VAV2: variants seen among roughly 807,000 people sequenced by gnomAD.
VAV2 encodes guanine nucleotide exchange factor VAV2.
VAV2 carries 67 observed loss-of-function variants against 132.5 expected under a neutral mutation model. That is an observed-to-expected ratio of 0.51 (90% CI 0.42 to 0.62). The LOEUF (loss-of-function observed/expected upper bound fraction) is 0.62, where lower values mean the gene tolerates loss of function less well. VAV2 is among the 20% of genes least tolerant of loss of function. VAV2 has a pLI of 0.00. For missense variants in VAV2, 938 were observed against 1,153.6 expected (o/e 0.81, Z 2.71); for synonymous variants, 492 against 443.5 (o/e 1.11, Z -1.37).
chr9:133,941,939 G>C (rs986549211), intron 1 of VAV2, among the ~76,000 whole-genome samples: 5 of 152,162 alleles, frequency 3.3e-5, no homozygotes, highest in African/African-American at 1.2e-4. Flanking sequence ...GGAGTCGTCA[G>C]ATCCACAGAG....
intron 2 of VAV2, among the ~76,000 whole-genome samples, chr9:133,896,923 T>C (rs1459471861): frequency 2.6e-5 from 4 of 151,616 alleles, no homozygotes; most frequent in African/African-American, 9.7e-5. Flanking sequence ...TGAAACCCCG[T>C]CTCTACTAAA....
Position 133,992,310 on chromosome 9 carries a change from T to C in VAV2, c.-32A>G, listed in dbSNP as rs1421050812. The C allele has an allele frequency of 2.3e-6, 3 of 1,329,564 alleles. No individual in the cohort carries two copies. Among genetic ancestry groups the C allele is most frequent in the African/African-American group, 1.5e-5 (1 of 65,674 alleles). The allele number at this position is 1,329,564 out of a possible 1,614,324, so 82.4% of individuals were successfully genotyped here. A position where few individuals can be genotyped will look rare whatever the true frequency, so the allele number is the denominator to read the frequency against. Reference sequence around the variant, plus strand: ...CGCGGGCCCGACCGGCTCAGGGCAGTGCTCGAGCCAAAGTGCAGCGGCCGC... The same window carrying C: ...CGCGGGCCCGACCGGCTCAGGGCAGCGCTCGAGCCAAAGTGCAGCGGCCGC... On this transcript the variant is annotated 5_prime_UTR_variant, in exon 1 of 30. Coordinates refer to ENST00000371850, the MANE Select transcript of VAV2 (RefSeq NM_001134398.2). The surrounding 1 kb of genome is among the most constrained non-coding windows in gnomAD (Gnocchi z 5.5).
At chr9:133,789,470 A>T in intron 13 of VAV2, 127 bp from the exon 14 acceptor site, 1 of 845,616 alleles carries the variant, frequency 1.2e-6, no homozygotes, top group East Asian at 2.5e-5. Context: ...GGACGAAGGG[A>T]AACAGCCCCT....
intron 2 of VAV2, among the ~76,000 whole-genome samples, chr9:133,937,615 T>G (rs1183551791): frequency 1.1e-4 from 17 of 152,168 alleles, no homozygotes; most frequent in Non-Finnish European, 2.2e-4. Flanking sequence ...CCCAGGGTGC[T>G]GCAGGCAAAT....
At chr9:133,868,653 C>A (rs577563118) in intron 2 of VAV2, among the ~76,000 whole-genome samples, 5 of 152,226 alleles carry the variant, frequency 3.3e-5, no homozygotes, top group Non-Finnish European at 7.3e-5. Flanking sequence ...GGGCCAGAAG[C>A]GTGCATGTTT....
chr9:133,849,489 G>A (rs1438190711), intron 3 of VAV2, among the ~76,000 whole-genome samples: 1 of 152,198 alleles, frequency 6.6e-6, no homozygotes, highest in Admixed American at 6.5e-5. Context: ...ACCCCCTCCT[G>A]GACCCTGCGT....
chr9:133,883,267 GACA>G lies in VAV2; in HGVS notation c.322-21838_322-21836del, dbSNP rs748425141. Among the ~76,000 whole-genome samples the G allele has an allele frequency of 1.3e-5, 2 of 152,184 alleles. No individual in the cohort carries two copies. The highest frequency in any genetic ancestry group is 2.9e-5 in the Non-Finnish European group (2 of 68,040). ...AATCATGCGAAGAGCCCTGGTAATT[GACA>G]ACGATTCTCTGCACAAATGGCGGAC... On this transcript the variant is annotated intron_variant, in intron 2 of 29. Coordinates refer to ENST00000371850, the MANE Select transcript of VAV2 (RefSeq NM_001134398.2). The surrounding 1 kb of genome is among the most constrained non-coding windows in gnomAD (Gnocchi z 4.2).
In VAV2 at chr9:133,932,577, G is replaced by A. The variant is rs1840724408; in HGVS notation, c.321+6526C>T. ...CTAATAAAAATGACTAGGACCTGCCGTTCATTTTTTCACCGAGTCCTTTAC... is the reference window on the plus strand; with the variant it reads ...CTAATAAAAATGACTAGGACCTGCCATTCATTTTTTCACCGAGTCCTTTAC... On this transcript the variant is annotated intron_variant, in intron 2 of 29. Transcript: ENST00000371850. Among the ~76,000 whole-genome samples the A allele has an allele frequency of 2.0e-5, 3 of 152,222 alleles. No homozygotes were observed. The South Asian group carries it at 6.2e-4, about 32-fold the overall frequency.
chr9:133,785,679 CT>C (rs1834188984), intron 17 of VAV2, 96 bp downstream of exon 17: 11 of 1,221,282 alleles, frequency 9.0e-6, no homozygotes, highest in South Asian at 2.8e-5. Flanking sequence ...CCCACCGCCC[CT>C]GGTCTGAGAG....
Position 133,768,639 on chromosome 9 carries a change from C to A in VAV2, c.2435-43G>T. Reference sequence around the variant, plus strand: ...CAGCATCACACAGCTGCAGGAGGAGCCCAACCAGTGATCCAGGAGGCCCTT... The same window carrying A: ...CAGCATCACACAGCTGCAGGAGGAGACCAACCAGTGATCCAGGAGGCCCTT... On this transcript the variant is annotated intron_variant, in intron 28 of 29. Coordinates refer to ENST00000371850, the MANE Select transcript of VAV2 (RefSeq NM_001134398.2). This position sits in a 1 kb window ranked among gnomAD's most constrained non-coding sequence, Gnocchi z 5.3. The A allele has an allele frequency of 6.3e-7, 1 of 1,593,700 alleles. No individual in the cohort carries two copies. Among genetic ancestry groups the A allele is most frequent in the Admixed American group, 1.7e-5 (1 of 58,454 alleles).
At chr9:133,939,403 G>T (rs887363302) in intron 1 of VAV2, 184 bp from the exon 2 acceptor site, 5 of 633,652 alleles carry the variant, frequency 7.9e-6, no homozygotes, top group Admixed American at 5.3e-5. Flanking sequence ...CCAAGGCTGG[G>T]GGGTGAGAAG....
intron 1 of VAV2, among the ~76,000 whole-genome samples, chr9:133,941,724 C>T (rs986405252): frequency 6.6e-6 from 1 of 151,850 alleles, no homozygotes; most frequent in Non-Finnish European, 1.5e-5. Flanking sequence ...CTGCCTGAGC[C>T]TCCCGAGTAG....
chr9:133,880,064 G>A (rs547812360), intron 2 of VAV2, among the ~76,000 whole-genome samples: 1 of 152,354 alleles, frequency 6.6e-6, no homozygotes, highest in East Asian at 1.9e-4. Context: ...GGAAGTAGAG[G>A]AGAAAGAAGA....
intron 3 of VAV2, among the ~76,000 whole-genome samples, chr9:133,841,702 G>GCTT (rs1836729992): frequency 6.6e-6 from 1 of 152,182 alleles, no homozygotes; most frequent in African/African-American, 2.4e-5. Context: ...TAAGAGCAAG[G>GCTT]CTTCTGCAGG....
rs1214753425 is a variant in VAV2 at position 133,794,609 on chromosome 9, G to T, written c.1101+1059C>A. 6.6e-6 allele frequency among the ~76,000 whole-genome samples: 1 copy of T among 152,236 alleles called. No individual in the cohort carries two copies. Among genetic ancestry groups the T allele is most frequent in the African/African-American group, 2.4e-5 (1 of 41,470 alleles). ...GAAAAGGGGGCCCAAAGCCCAGGGG[G>T]GCTGCCCAGAGGGCAGGGGCCAGGT... On this transcript the variant is annotated intron_variant, in intron 12 of 29. Transcript: ENST00000371850. The surrounding 1 kb of genome is among the most constrained non-coding windows in gnomAD (Gnocchi z 4.6).
intron 25 of VAV2, among the ~76,000 whole-genome samples, chr9:133,772,848 A>G (rs1833678133): frequency 1.3e-5 from 2 of 151,912 alleles, no homozygotes; most frequent in Admixed American, 6.6e-5. Flanking sequence ...GGCATTGCCT[A>G]CTGCACACCC....
intron 1 of VAV2, among the ~76,000 whole-genome samples, chr9:133,941,608 T>TGGGG (rs56802789): frequency 1.5e-5 from 2 of 135,632 alleles, no homozygotes; most frequent in Admixed American, 7.9e-5. Flanking sequence ...CACTTTTTTT[T>TGGGG]GGGGGGGGGG....
intron 2 of VAV2, among the ~76,000 whole-genome samples, chr9:133,923,216 G>C (rs1014430838): frequency 3.9e-5 from 6 of 152,166 alleles, no homozygotes; most frequent in African/African-American, 1.4e-4. Context: ...TGGAGAAATG[G>C]GAGCCCCGCT....
chr9:133,890,061 G>A (rs1015061481), intron 2 of VAV2, among the ~76,000 whole-genome samples: 3 of 152,218 alleles, frequency 2.0e-5, no homozygotes, highest in Non-Finnish European at 4.4e-5. Flanking sequence ...AGGCTATGGT[G>A]CCAGGGTGTG....
Sources: allele counts gnomAD v4.1 joint callset (sites outside exome capture counted in the v4.1 genomes callset), GRCh38; gene constraint gnomAD v4.1.1; non-coding constraint Gnocchi (gnomAD v3.1); transcripts MANE v1.5; gene names NCBI Gene and HGNC (gene_info 2026-07-23, HGNC 2026-07-21).